The following XRRA1 variants were observed in gnomAD, a reference collection of about 807,000 sequenced individuals.
XRRA1 encodes X-ray radiation resistance-associated protein 1.
A neutral mutation model predicts 80.2 loss-of-function variants in XRRA1; 69 were observed. The ratio of observed to expected loss-of-function variants is 0.86; its 90% CI spans 0.71 to 1.05. The LOEUF (loss-of-function observed/expected upper bound fraction) is 1.05. Among genes scored for constraint, XRRA1 ranks in the 50% least tolerant of loss-of-function variants. The pLI, the probability that XRRA1 is intolerant of heterozygous loss-of-function variation, is 0.00. For synonymous variants in XRRA1, 348 were observed against 389.9 expected (o/e 0.89, Z 1.27); for missense variants, 967 against 976.4 (o/e 0.99, Z 0.13).
At chr11:74,930,737 C>T (rs78361357) in intron 5 of XRRA1, among the ~76,000 whole-genome samples, 2 of 152,186 alleles carry the variant, frequency 1.3e-5, no homozygotes, top group African/African-American at 2.4e-5. Flanking sequence ...CATGTATCCC[C>T]TCACTAATCC....
At chr11:74,866,583 G>T (rs1373097557) in intron 10 of XRRA1, among the ~76,000 whole-genome samples, 1 of 149,552 alleles carries the variant, frequency 6.7e-6, no homozygotes, top group Non-Finnish European at 1.5e-5. Context: ...GAAGCACAGT[G>T]AACTTCAAGA....
At chr11:74,911,705 G>A (rs992821851) in intron 8 of XRRA1, among the ~76,000 whole-genome samples, 5 of 152,228 alleles carry the variant, frequency 3.3e-5, no homozygotes, top group East Asian at 1.9e-4. Flanking sequence ...ACCATTCCCC[G>A]TGGTGGTGGA....
In XRRA1 at chr11:74,851,055, CT is replaced by C. The variant is rs1160339452; in HGVS notation, c.1380+32del. ...TACATTATAATAGGCTGCACTCTTC[CT>C]GGGGGTGGGAGTCCTGCCTTGGAAG... On this transcript the variant is annotated intron_variant, in intron 14 of 18. Coordinates refer to ENST00000684022, the MANE Select transcript of XRRA1 (RefSeq NM_001378157.1). 4 of 1,571,816 alleles carry C rather than the reference CT, an allele frequency of 2.5e-6. No individual in the cohort carries two copies. The African/African-American group carries it at 5.4e-5, about 21-fold the overall frequency.
chr11:74,864,492 G>A (rs1232978246), intron 10 of XRRA1, among the ~76,000 whole-genome samples: 2 of 152,318 alleles, frequency 1.3e-5, no homozygotes, highest in East Asian at 3.9e-4. Flanking sequence ...TGGATCCCAA[G>A]ACATTGAAGG....
chr11:74,901,455 G>A (rs1373948297), intron 10 of XRRA1, among the ~76,000 whole-genome samples: 6 of 152,052 alleles, frequency 3.9e-5, no homozygotes, highest in Non-Finnish European at 5.9e-5. Context: ...AAATTTATAT[G>A]GAACCACAAA....
chr11:74,895,988 A>G (rs765451414), intron 10 of XRRA1, among the ~76,000 whole-genome samples: 25 of 152,212 alleles, frequency 1.6e-4, no homozygotes, highest in Non-Finnish European at 3.7e-4. Context: ...CCTGTTGACT[A>G]AAGAGCCCTT....
At chr11:74,845,408 A>C (rs2135352083) in intron 15 of XRRA1, 137 bp from the exon 16 acceptor site, 1 of 830,932 alleles carries the variant, frequency 1.2e-6, no homozygotes, top group East Asian at 2.7e-5. Context: ...GGGATGGAAG[A>C]AAGCAGATAT....
At chr11:74,846,087 AGAT>A (rs981685346) in intron 15 of XRRA1, 21 of 152,188 alleles carry the variant, frequency 1.4e-4, no homozygotes, top group Non-Finnish European at 2.1e-4. Flanking sequence ...GCCTAAGGAG[AGAT>A]GAACTTGCCT....
At chr11:74,933,722 C>G (rs1380957587) in intron 5 of XRRA1, 79 bp downstream of exon 5, 50 of 1,364,068 alleles carry the variant, frequency 3.7e-5, no homozygotes, top group Non-Finnish European at 3.1e-6. Flanking sequence ...TCTGGAGGTG[C>G]AAGAGACAAA....
At chr11:74,882,093 T>C (rs2047771335) in intron 10 of XRRA1, among the ~76,000 whole-genome samples, 1 of 151,744 alleles carries the variant, frequency 6.6e-6, no homozygotes, top group Non-Finnish European at 1.5e-5. Flanking sequence ...GATAATATCC[T>C]GCAGAGTGTT....
At chr11:74,864,001 T>G (rs2042864901) in intron 10 of XRRA1, 1 of 152,176 alleles carries the variant, frequency 6.6e-6, no homozygotes, top group African/African-American at 2.4e-5. Context: ...TACTGCATTT[T>G]AAGCTTCTGA....
At chr11:74,886,270 C>T (rs2048994858) in intron 10 of XRRA1, among the ~76,000 whole-genome samples, 1 of 152,124 alleles carries the variant, frequency 6.6e-6, no homozygotes, top group Non-Finnish European at 1.5e-5. Context: ...GGAAGTCAGA[C>T]TATCTCTGTT....
intron 15 of XRRA1, among the ~76,000 whole-genome samples, chr11:74,846,713 ACACT>A (rs2038291062): frequency 2.6e-5 from 4 of 152,160 alleles, no homozygotes; most frequent in Admixed American, 2.0e-4. Context: ...TGATTAAAAA[ACACT>A]CAAACTAGGA....
chr11:74,877,269 T>G (rs1044366866), intron 10 of XRRA1, among the ~76,000 whole-genome samples: 1 of 152,146 alleles, frequency 6.6e-6, no homozygotes, highest in Non-Finnish European at 1.5e-5. Flanking sequence ...TATCTTCTAA[T>G]GGCAAGTCAA....
At chr11:74,938,247 C>T (rs1945501351) in intron 3 of XRRA1, among the ~76,000 whole-genome samples, 1 of 152,234 alleles carries the variant, frequency 6.6e-6, no homozygotes, top group African/African-American at 2.4e-5. Flanking sequence ...AGTTCCTGCC[C>T]TATGTCTCAT....
intron 10 of XRRA1, among the ~76,000 whole-genome samples, chr11:74,901,492 G>A (rs765946617): frequency 6.6e-6 from 1 of 152,016 alleles, no homozygotes; most frequent in African/African-American, 2.4e-5. Context: ...AATCTATCCT[G>A]AGCAAAAAGA....
At chr11:74,929,956 G>A (rs1480022949) in intron 6 of XRRA1, among the ~76,000 whole-genome samples, 1 of 152,172 alleles carries the variant, frequency 6.6e-6, no homozygotes, top group Admixed American at 6.5e-5. Flanking sequence ...TGCTGAATAA[G>A]AAGGCTTTAT....
At chr11:74,889,723 TG>T (rs2050126049) in intron 10 of XRRA1, among the ~76,000 whole-genome samples, 1 of 151,770 alleles carries the variant, frequency 6.6e-6, no homozygotes, top group African/African-American at 2.4e-5. Context: ...ACCAAGCAAG[TG>T]GAAAACAAAA....
chr11:74,920,605 G>T (rs1163714880), intron 8 of XRRA1, among the ~76,000 whole-genome samples: 1 of 152,184 alleles, frequency 6.6e-6, no homozygotes, highest in Non-Finnish European at 1.5e-5. Flanking sequence ...CATGAGTATG[G>T]TCTCTGGAGT....
Sources: allele counts gnomAD v4.1 joint callset (sites outside exome capture counted in the v4.1 genomes callset), GRCh38; gene constraint gnomAD v4.1.1; transcripts MANE v1.5; gene names NCBI Gene and HGNC (gene_info 2026-07-23, HGNC 2026-07-21).